Variants in CAMK4 observed in about 807,000 individuals in gnomAD.
The protein encoded by CAMK4 is calcium/calmodulin dependent protein kinase IV, also known as calcium/calmodulin-dependent protein kinase type IV.
CAMK4 carries 22 observed loss-of-function variants against 44.9 expected under a neutral mutation model. The ratio of observed to expected loss-of-function variants is 0.49; its 90% confidence interval spans 0.35 to 0.70. CAMK4 has a LOEUF of 0.70. Ranked by LOEUF, CAMK4 falls within the 30% of genes least tolerant of loss-of-function variation. CAMK4 has a pLI of 0.01. For missense variants in CAMK4, 498 were observed against 586.8 expected, an observed-to-expected ratio of 0.85 and a Z score of 1.56; for synonymous variants, 218 against 215.4, an observed-to-expected ratio of 1.01 and a Z score of -0.11.
intron 1 of CAMK4, among the ~76,000 whole-genome samples, chr5:111,250,101 A>G (rs549151990): frequency 3.3e-5 from 5 of 152,340 alleles, no homozygotes; most frequent in South Asian, 4.1e-4. Context: ...ACTCTGTCTT[A>G]TGGTCTCTTC....
intron 5 of CAMK4, among the ~76,000 whole-genome samples, chr5:111,400,285 G>T (rs1388883843): frequency 6.6e-6 from 1 of 152,142 alleles, no homozygotes; most frequent in Admixed American, 6.5e-5. Context: ...GAATTCCACA[G>T]GTAGAAAGCA....
In CAMK4 at chr5:111,267,755, G is replaced by C. The variant is rs183053667; in HGVS notation, c.161+43111G>C. ...AATCTTCATTCTGAAGGACACAGGG[G>C]ATGATAGAATTAGAATATCCCACGT... On this transcript the variant is annotated intron_variant, in intron 1 of 10. Transcript: ENST00000282356. Among the ~76,000 whole-genome samples, 219 of 150,950 alleles carry C rather than the reference G, an allele frequency of 1.5e-3. 1 individual carries two copies. Among genetic ancestry groups the C allele is most frequent in the Admixed American group, 1.8e-3 (27 of 15,200 alleles).
chr5:111,317,921 A>G (rs1748499759), intron 1 of CAMK4, among the ~76,000 whole-genome samples: 1 of 149,800 alleles, frequency 6.7e-6, no homozygotes, highest in South Asian at 2.1e-4. Flanking sequence ...AAAAAAAAAA[A>G]AAAAAAAGGA....
chr5:111,238,636 A>G (rs1748848170), intron 1 of CAMK4, among the ~76,000 whole-genome samples: 1 of 149,960 alleles, frequency 6.7e-6, no homozygotes, highest in Non-Finnish European at 1.5e-5. Flanking sequence ...CTTTTCCCCC[A>G]TTTGGCACCT....
At chr5:111,342,068 T>G (rs1289883496) in intron 1 of CAMK4, among the ~76,000 whole-genome samples, 4 of 151,456 alleles carry the variant, frequency 2.6e-5, no homozygotes, top group African/African-American at 9.7e-5. Context: ...GTCCTATAAC[T>G]TTGAAGAGAA....
At chr5:111,357,014 C>A (rs689253) in intron 2 of CAMK4, among the ~76,000 whole-genome samples, 56,964 of 151,802 alleles carry the variant, frequency 0.38, 11,235 homozygotes, top group Non-Finnish European at 0.43. Context: ...TGCTGTTGCC[C>A]AAAAGATGAA....
chr5:111,340,345 G>T (rs1221362495), intron 1 of CAMK4, among the ~76,000 whole-genome samples: 1 of 151,108 alleles, frequency 6.6e-6, no homozygotes, highest in African/African-American at 2.4e-5. Flanking sequence ...GAGTATATTA[G>T]CTGTGGAATT....
At chr5:111,459,383 C>A (rs1032953206) in intron 7 of CAMK4, among the ~76,000 whole-genome samples, 5 of 152,062 alleles carry the variant, frequency 3.3e-5, no homozygotes, top group Non-Finnish European at 5.9e-5. Context: ...TGGGAGTGTT[C>A]ACAAAAGCTG....
At chr5:111,463,790 G>C (rs553027455) in intron 7 of CAMK4, among the ~76,000 whole-genome samples, 1 of 152,140 alleles carries the variant, frequency 6.6e-6, no homozygotes, top group Non-Finnish European at 1.5e-5. Flanking sequence ...CTAGAGGAAG[G>C]GGGAGAGCAC....
chr5:111,336,241 T>A (rs1252126928), intron 1 of CAMK4, among the ~76,000 whole-genome samples: 1 of 151,272 alleles, frequency 6.6e-6, no homozygotes, highest in African/African-American at 2.4e-5. Flanking sequence ...CTCTAATGTA[T>A]AATCTCCTTG....
At chr5:111,443,277 T>TAC (rs1466931660) in intron 5 of CAMK4, among the ~76,000 whole-genome samples, 118 of 40,866 alleles carry the variant, frequency 2.9e-3, no homozygotes, top group Non-Finnish European at 4.4e-3. Context: ...TATATATATA[T>TAC]ATACACACAC....
intron 1 of CAMK4, among the ~76,000 whole-genome samples, chr5:111,285,316 A>C (rs1751196744): frequency 2.0e-5 from 3 of 152,230 alleles, no homozygotes; most frequent in African/African-American, 7.2e-5. Context: ...GAATCCTACG[A>C]AATTTATGGT....
intron 1 of CAMK4, among the ~76,000 whole-genome samples, chr5:111,289,214 C>T (rs971714832): frequency 3.3e-5 from 5 of 152,106 alleles, no homozygotes; most frequent in Admixed American, 6.5e-5. Context: ...GACATGGTGG[C>T]GCTCGCCTGT....
chr5:111,297,353 G>A (rs1300517104), intron 1 of CAMK4, among the ~76,000 whole-genome samples: 1 of 152,062 alleles, frequency 6.6e-6, no homozygotes, highest in Admixed American at 6.6e-5. Flanking sequence ...GGGCAGTGTG[G>A]TATTACAAAG....
At chr5:111,271,463 T>C (rs1419496717) in intron 1 of CAMK4, among the ~76,000 whole-genome samples, 1 of 152,124 alleles carries the variant, frequency 6.6e-6, no homozygotes, top group Non-Finnish European at 1.5e-5. Context: ...GAAGCAAAAT[T>C]GAATGCACAC....
At chr5:111,386,497 AT>A (rs201051998) in intron 4 of CAMK4, among the ~76,000 whole-genome samples, 1 of 152,266 alleles carries the variant, frequency 6.6e-6, no homozygotes, top group East Asian at 1.9e-4. Flanking sequence ...GCCTCAGGAT[AT>A]GATCAGATTA....
chr5:111,457,266 C>G (rs1434711572), intron 7 of CAMK4, among the ~76,000 whole-genome samples: 1 of 152,258 alleles, frequency 6.6e-6, no homozygotes, highest in East Asian at 1.9e-4. Context: ...CACACACACA[C>G]ATTATGCAGA....
chr5:111,295,567 T>C (rs306104), intron 1 of CAMK4, among the ~76,000 whole-genome samples: 87,191 of 151,990 alleles, frequency 0.57, 26,551 homozygotes, highest in East Asian at 0.74. Context: ...CTGTAAAAGC[T>C]CTCTCTAATA....
chr5:111,463,424 A>C lies in CAMK4; in HGVS notation c.626-9887A>C, dbSNP rs1268650936. 2.0e-5 allele frequency among the ~76,000 whole-genome samples: 3 copies of C among 152,202 alleles called. No individual in the cohort carries two copies. The East Asian group carries it at 5.8e-4, about 29-fold the overall frequency. On this transcript the variant is annotated intron_variant, in intron 7 of 10. Coordinates refer to ENST00000282356, the MANE Select transcript of CAMK4 (RefSeq NM_001744.6). ...GAGACAACCTAAAAACTCTGAAGAC[A>C]AAGGACATAACCTCTTGGGAGCTCT...
Sources: gnomAD v4.1 joint callset for allele counts (sites outside exome capture counted in the v4.1 genomes callset) on GRCh38, gnomAD v4.1.1 for gene constraint, MANE v1.5 for transcripts, NCBI Gene and HGNC (gene_info 2026-07-23, HGNC 2026-07-21) for gene names.